Variants in ERBB3 observed in about 807,000 individuals in gnomAD.
The protein encoded by ERBB3 is receptor tyrosine-protein kinase erbB-3.
A neutral mutation model predicts 156.7 loss-of-function variants in ERBB3; 96 were observed. The observed-to-expected ratio is 0.61, with a 90% CI of 0.52 to 0.73. The LOEUF (loss-of-function observed/expected upper bound fraction) is 0.73. ERBB3 is among the 30% of genes least tolerant of loss of function. The probability of loss-of-function intolerance (pLI) is 0.00; values close to 1 mark genes in which losing one functional copy is unlikely to be tolerated. For synonymous variants in ERBB3, 567 were observed against 632.0 expected (o/e 0.90, Z 1.54); for missense variants, 1,406 against 1,709.4 (o/e 0.82, Z 3.13).
chr12:56,080,440 G>C (rs1868340590), intron 1 of ERBB3, 58 bp downstream of exon 1: 16 of 1,388,304 alleles, frequency 1.2e-5, no homozygotes, highest in Non-Finnish European at 1.5e-5. Flanking sequence ...CCCAGTGCGC[G>C]CAGCCTCGGA....
At chr12:56,090,531 T>C (rs1490600229) in intron 9 of ERBB3, among the ~76,000 whole-genome samples, 2 of 151,904 alleles carry the variant, frequency 1.3e-5, no homozygotes, top group Admixed American at 6.6e-5. Flanking sequence ...GTAGTCCCAG[T>C]TACTCAGGAG....
chr12:56,100,169 C>G lies in ERBB3; in HGVS notation c.3130-5C>G. ...CTTAACCTTTTCCTTATTTTTTCATCCTAGAGCCAGAGCCTTTTAAGTCCA... is the reference window on the plus strand; with the variant it reads ...CTTAACCTTTTCCTTATTTTTTCATGCTAGAGCCAGAGCCTTTTAAGTCCA... On this transcript the variant is annotated splice_polypyrimidine_tract_variant and splice_region_variant and intron_variant, in intron 25 of 27. Transcript: ENST00000267101. 6.2e-7 allele frequency: 1 copy of G among 1,612,990 alleles called. No homozygotes were observed. The highest frequency in any genetic ancestry group is 8.5e-7 in the Non-Finnish European group (1 of 1,179,254).
chr12:56,085,455 G>A (rs1868447036), intron 3 of ERBB3: 4 of 1,401,906 alleles, frequency 2.9e-6, no homozygotes, highest in South Asian at 1.8e-5. Context: ...AAAGTACAGT[G>A]TACCGGAGGC....
chr12:56,084,960 T>C (rs754133603), intron 2 of ERBB3, 35 bp from the exon 3 acceptor site: 4 of 1,613,834 alleles, frequency 2.5e-6, no homozygotes, highest in Non-Finnish European at 3.4e-6. Context: ...TTTGCCCTGT[T>C]GTCTCTCTCA....
rs368166407 is a variant in ERBB3, at chr12:56,101,516, T to C, written c.3503-13T>C. On this transcript the variant is annotated splice_polypyrimidine_tract_variant and intron_variant, in intron 27 of 27. Coordinates refer to ENST00000267101, the MANE Select transcript of ERBB3 (RefSeq NM_001982.4). ...AGTTCTTCACATACCTAGCCTTTCT[T>C]CTCAACCCCCAGGTACTCCCTCCTC... 1 of 1,613,234 alleles carries C rather than the reference T, an allele frequency of 6.2e-7. No homozygotes were observed. The highest frequency in any genetic ancestry group is 8.5e-7 in the Non-Finnish European group (1 of 1,179,670).
intron 23 of ERBB3, among the ~76,000 whole-genome samples, chr12:56,099,159 T>C (rs953214804): frequency 6.6e-6 from 1 of 152,004 alleles, no homozygotes. Flanking sequence ...TTTCACCATG[T>C]TGGCCAGGCT....
rs865997470 is a variant in ERBB3, at chr12:56,094,116, C to T, written c.1631C>T (p.Ala544Val). Residue 544 changes from alanine (A) to valine (V), a missense_variant, in exon 14 of 28, where the codon GCC becomes GTC. Physicochemically the swap from Ala to Val is moderately conservative, Grantham distance 64 (BLOSUM62 0). Around this residue, in one of 3 missense-constraint regions of ERBB3, gnomAD observed 979 missense variants for 1,219.6 expected, o/e 0.80. Coordinates refer to ENST00000267101, the MANE Select transcript of ERBB3 (RefSeq NM_001982.4). ...NFLNGEPREFAHEAECFSCHP... is the reference protein window; with the variant it reads ...NFLNGEPREFVHEAECFSCHP... ...CACTACAGGGAGCCTCGAGAATTTG[C>T]CCATGAGGCCGAATGCTTCTCCTGC... The T allele has an allele frequency of 3.1e-6, 5 of 1,613,724 alleles. No homozygotes were observed. The highest frequency in any genetic ancestry group is 2.2e-5 in the East Asian group (1 of 44,880).
intron 9 of ERBB3, among the ~76,000 whole-genome samples, chr12:56,092,407 A>C (rs1868745332): frequency 6.6e-6 from 1 of 150,880 alleles, no homozygotes; most frequent in South Asian, 2.1e-4. Context: ...AAAAAAAAAA[A>C]AAAAAAAAAA....
intron 16 of ERBB3, 137 bp downstream of exon 16, chr12:56,095,447 C>A: frequency 1.1e-6 from 1 of 895,278 alleles, no homozygotes; most frequent in Non-Finnish European, 1.8e-6. Flanking sequence ...ACACTTGGGA[C>A]TCAAGAATGC....
At chr12:56,089,203 G>T in intron 9 of ERBB3, 1 of 457,510 alleles carries the variant, frequency 2.2e-6, no homozygotes, top group South Asian at 1.6e-5. Flanking sequence ...GCGTGATCTC[G>T]ACTCACTGTA....
chr12:56,102,818 A>AAAAC lies in ERBB3; in HGVS notation c.*766_*767insCAAA, dbSNP rs1869161486. 4.7e-6 allele frequency: 1 copy of AAAAC among 213,062 alleles called. No homozygotes were observed. The highest frequency in any genetic ancestry group is 9.4e-6 in the Non-Finnish European group (1 of 106,140). The allele number at this position is 213,062 out of a possible 1,614,324, so 13.2% of individuals were successfully genotyped here. A position where few individuals can be genotyped will look rare whatever the true frequency, so the allele number is the denominator to read the frequency against. On this transcript the variant is annotated 3_prime_UTR_variant, in exon 28 of 28. Transcript: ENST00000267101. ...ACCCCCATCTCTTTAAAAAAAAAAAAAAAAAAAAAAAAAAAACTTTAGAAC... is the reference window on the plus strand; with the variant it reads ...ACCCCCATCTCTTTAAAAAAAAAAAAAAACAAAAAAAAAAAAAAAACTTTAGAAC...
At chr12:56,100,105 T>A in intron 25 of ERBB3, 69 bp from the exon 26 acceptor site, 1 of 1,590,342 alleles carries the variant, frequency 6.3e-7, no homozygotes, top group Non-Finnish European at 8.6e-7. Context: ...GATTAACTAC[T>A]CAAAGGCCCC....
At position 56,098,813 on chromosome 12, in the gene ERBB3, G is replaced by A. The variant is rs548359026; in HGVS notation, c.2747G>A (p.Arg916Gln). The change falls in exon 23 of 28, where the codon CGA (arginine) becomes CAA (glutamine). Residue 916 changes from arginine (R) to glutamine (Q), a missense_variant. Physicochemically the swap from Arg to Gln is conservative, Grantham distance 43 (BLOSUM62 1). Coordinates refer to ENST00000267101, the MANE Select transcript of ERBB3 (RefSeq NM_001982.4). The part of the protein sequence containing the change: ...TFGAEPYAGL[R>Q]LAEVPDLLEK... Reference sequence around the variant, plus strand: ...GGGGCAGAGCCCTATGCAGGGCTACGATTGGCTGAAGTACCAGACCTGCTA... The same window carrying A: ...GGGGCAGAGCCCTATGCAGGGCTACAATTGGCTGAAGTACCAGACCTGCTA... 1.1e-5 allele frequency: 17 copies of A among 1,614,134 alleles called. No homozygotes were observed. The African/African-American group carries it at 1.2e-4, about 11-fold the overall frequency.
Position 56,102,070 on chromosome 12 carries a change from G to T in ERBB3, c.*15G>T. The stretch of plus-strand genomic sequence containing the variant: ...AGAGAACGTAACTCCTGCTCCCTGT[G>T]GCACTCAGGGAGCATTTAATGGCAG... On this transcript the variant is annotated 3_prime_UTR_variant, in exon 28 of 28. Coordinates refer to ENST00000267101, the MANE Select transcript of ERBB3 (RefSeq NM_001982.4). 1 of 1,603,330 alleles carries T rather than the reference G, an allele frequency of 6.2e-7. No individual in the cohort carries two copies. The highest frequency in any genetic ancestry group is 8.5e-7 in the Non-Finnish European group (1 of 1,179,322).
At chr12:56,100,939 CAA>C (rs10536745) in intron 26 of ERBB3, 120 bp from the exon 27 acceptor site, 32,703 of 283,306 alleles carry the variant, frequency 0.12, 1 homozygote, top group Middle Eastern at 0.15. Flanking sequence ...GACTCCACCT[CAA>C]AAAAAAAAAA....
At chr12:56,091,094 G>T (rs1369601649) in intron 9 of ERBB3, among the ~76,000 whole-genome samples, 1 of 149,814 alleles carries the variant, frequency 6.7e-6, no homozygotes, top group Non-Finnish European at 1.5e-5. Context: ...CTCATGATTA[G>T]ATTCAAGTTT....
intron 20 of ERBB3, 36 bp from the exon 21 acceptor site, chr12:56,097,749 C>T (rs753041411): frequency 1.6e-5 from 25 of 1,604,572 alleles, no homozygotes; most frequent in Admixed American, 5.0e-5. Context: ...CTGATTCCCC[C>T]AACCTTAAGA....
rs1425922004 is a variant in ERBB3 at position 56,085,011 on chromosome 12, C to T, written c.251C>T (p.Thr84Ile). ...LSFLQWIREV[T>I]GYVLVAMNEF... The stretch of plus-strand genomic sequence containing the variant: ...CTGTCACAGTGGATTCGAGAAGTGA[C>T]AGGCTATGTCCTCGTGGCCATGAAT... The change falls in exon 3 of 28, where the codon ACA becomes ATA. Residue 84 changes from threonine to isoleucine, a missense_variant. Around this residue, in one of 3 missense-constraint regions of ERBB3, gnomAD observed 979 missense variants for 1,219.6 expected, o/e 0.80. Coordinates refer to ENST00000267101, the MANE Select transcript of ERBB3 (RefSeq NM_001982.4). 1.2e-6 allele frequency: 2 copies of T among 1,614,088 alleles called. No individual in the cohort carries two copies. Among genetic ancestry groups the T allele is most frequent in the Non-Finnish European group, 1.7e-6 (2 of 1,179,964 alleles).
Position 56,094,161 on chromosome 12 carries a change from T to C in ERBB3, c.1676T>C (p.Met559Thr), listed in dbSNP as rs866804193. The C allele has an allele frequency of 6.2e-7, 1 of 1,613,100 alleles. No individual in the cohort carries two copies. Among genetic ancestry groups the C allele is most frequent in the Non-Finnish European group, 8.5e-7 (1 of 1,179,476 alleles). ...CFSCHPECQP[M>T]EGTATCNGSG... is the part of the protein sequence containing the mutation. ...TCCTGCCACCCGGAATGCCAACCCA[T>C]GGAGGGCACTGCCACATGCAATGGC... The change falls in exon 14 of 28, where the codon ATG becomes ACG. Residue 559 changes from methionine (M) to threonine (T), a missense_variant. Met to Thr is a moderately conservative substitution (Grantham distance 81, BLOSUM62 -1). Around this residue, in one of 3 missense-constraint regions of ERBB3, gnomAD observed 979 missense variants for 1,219.6 expected, o/e 0.80. Transcript: ENST00000267101.
Sources: gnomAD v4.1 joint callset for allele counts (sites outside exome capture counted in the v4.1 genomes callset) on GRCh38, gnomAD v4.1.1 for gene constraint, gnomAD v4.1.1 regional missense constraint, MANE v1.5 for transcripts, NCBI Gene and HGNC (gene_info 2026-07-23, HGNC 2026-07-21) for gene names.